Variants in DYM observed in about 807,000 individuals in gnomAD.
The protein encoded by DYM is dymeclin.
A neutral mutation model predicts 93.1 loss-of-function variants in DYM; 78 were observed. That is an observed-to-expected ratio of 0.84 (90% CI 0.70 to 1.01). The LOEUF (loss-of-function observed/expected upper bound fraction) is 1.01. DYM is among the 50% of genes least tolerant of loss of function. DYM has a pLI of 0.00. For synonymous variants in DYM, 321 were observed against 319.7 expected, an observed-to-expected ratio of 1.00 and a Z score of -0.04; for missense variants, 789 against 845.0, an observed-to-expected ratio of 0.93 and a Z score of 0.82.
At chr18:49,102,776 T>C (rs938494584) in intron 16 of DYM, among the ~76,000 whole-genome samples, 2 of 152,214 alleles carry the variant, frequency 1.3e-5, no homozygotes, top group African/African-American at 4.8e-5. Flanking sequence ...TAGTATTCCA[T>C]GGTGTATATG....
intron 2 of DYM, among the ~76,000 whole-genome samples, chr18:49,397,145 A>G (rs559116694): frequency 5.4e-4 from 82 of 152,328 alleles, no homozygotes; most frequent in African/African-American, 1.9e-3. Context: ...TGTATAATGC[A>G]TCGAAACATC....
intron 11 of DYM, among the ~76,000 whole-genome samples, chr18:49,271,042 A>G (rs1366973790): frequency 6.6e-6 from 1 of 152,178 alleles, no homozygotes; most frequent in South Asian, 2.1e-4. Context: ...ACCTGCCCAC[A>G]CACAGGACTT....
intron 15 of DYM, among the ~76,000 whole-genome samples, chr18:49,132,667 TA>T (rs1248673470): frequency 6.6e-6 from 1 of 151,938 alleles, no homozygotes; most frequent in African/African-American, 2.4e-5. Flanking sequence ...AAAATAAAAA[TA>T]AAAACAAAAA....
intron 13 of DYM, among the ~76,000 whole-genome samples, chr18:49,255,426 A>C (rs2094372136): frequency 6.6e-6 from 1 of 152,064 alleles, no homozygotes; most frequent in African/African-American, 2.4e-5. Flanking sequence ...CTGTAATCCC[A>C]GCACTTTGGG....
intron 6 of DYM, among the ~76,000 whole-genome samples, chr18:49,345,191 G>A (rs1336520554): frequency 1.3e-5 from 2 of 152,014 alleles, no homozygotes; most frequent in African/African-American, 4.8e-5. Context: ...TGTGCCAGTT[G>A]TTATAATTTC....
intron 14 of DYM, among the ~76,000 whole-genome samples, chr18:49,187,112 G>C (rs549648761): frequency 6.6e-6 from 1 of 151,988 alleles, no homozygotes; most frequent in South Asian, 2.1e-4. Flanking sequence ...GTAGAGGCGG[G>C]GTTTCACTGT....
intron 14 of DYM, among the ~76,000 whole-genome samples, chr18:49,170,156 CCTA>C (rs1466112029): frequency 2.0e-5 from 3 of 152,208 alleles, no homozygotes; most frequent in African/African-American, 7.2e-5. Context: ...TGAGGTAGGT[CCTA>C]CCATTATCCA....
chr18:49,358,197 C>T (rs79104574), intron 6 of DYM, among the ~76,000 whole-genome samples: 16,059 of 152,094 alleles, frequency 0.11, 1,064 homozygotes, highest in East Asian at 0.31. Context: ...AAAAAAGACA[C>T]AGAATGAGAG....
At chr18:49,225,351 G>A (rs141298002) in intron 13 of DYM, among the ~76,000 whole-genome samples, 6 of 152,166 alleles carry the variant, frequency 3.9e-5, no homozygotes, top group Admixed American at 3.9e-4. Context: ...TTCATTCCTT[G>A]GCAGCAGAAG....
intron 11 of DYM, among the ~76,000 whole-genome samples, chr18:49,269,724 T>A (rs914491078): frequency 6.6e-6 from 1 of 152,222 alleles, no homozygotes; most frequent in Non-Finnish European, 1.5e-5. Context: ...ATTATTCATG[T>A]GTTTGTGGTG....
chr18:49,421,118 A>C (rs2073647933), intron 2 of DYM, among the ~76,000 whole-genome samples: 1 of 152,172 alleles, frequency 6.6e-6, no homozygotes, highest in Admixed American at 6.5e-5. Flanking sequence ...GCAGACTTAA[A>C]TGTCCATGTC....
chr18:49,176,574 C>CTTTT (rs36121103), intron 14 of DYM, among the ~76,000 whole-genome samples: 21 of 99,430 alleles, frequency 2.1e-4, no homozygotes, highest in Non-Finnish European at 3.2e-4. Context: ...CCAAGCCTGG[C>CTTTT]TTTTTTTTTT....
intron 17 of DYM, among the ~76,000 whole-genome samples, chr18:49,079,400 T>A (rs2077590494): frequency 6.6e-6 from 1 of 151,880 alleles, no homozygotes; most frequent in Non-Finnish European, 1.5e-5. Context: ...ATTCTTTTTT[T>A]TTTTTTTTAT....
At chr18:49,324,677 T>C (rs1382245181) in intron 8 of DYM, among the ~76,000 whole-genome samples, 1 of 152,208 alleles carries the variant, frequency 6.6e-6, no homozygotes, top group Non-Finnish European at 1.5e-5. Context: ...AATTTTTAAA[T>C]TGTCTTATAT....
At chr18:49,248,119 A>G (rs1420391034) in intron 13 of DYM, among the ~76,000 whole-genome samples, 1 of 152,234 alleles carries the variant, frequency 6.6e-6, no homozygotes, top group Non-Finnish European at 1.5e-5. Context: ...ATGAAATCAT[A>G]TACATTTAAG....
rs371036859 is a variant in DYM at position 49,452,235 on chromosome 18, C to G, written c.-54+8163G>C. The stretch of plus-strand genomic sequence containing the variant: ...TCTCGCTGGCTTAGGAGTGAAGCGG[C>G]AGACCTTCGCGGTGAGTGTTACAGC... On this transcript the variant is annotated intron_variant, in intron 1 of 17. Transcript: ENST00000675505. 4.3e-4 allele frequency among the ~76,000 whole-genome samples: 66 copies of G among 152,280 alleles called. 1 individual carries two copies. In the South Asian group the frequency reaches 0.013, roughly 31 times the overall value.
intron 13 of DYM, among the ~76,000 whole-genome samples, chr18:49,214,339 G>C (rs1372713265): frequency 6.6e-6 from 1 of 152,150 alleles, no homozygotes; most frequent in Admixed American, 6.5e-5. Flanking sequence ...ACCCTATTAT[G>C]AACTGCACAT....
Position 49,341,260 on chromosome 18 carries a change from G to A in DYM, c.495-7407C>T, listed in dbSNP as rs187346172. 8.5e-5 allele frequency among the ~76,000 whole-genome samples: 13 copies of A among 152,262 alleles called. 1 individual carries two copies. The East Asian group carries it at 2.1e-3, about 25-fold the overall frequency. ...AATCCCAGCACTTTGGGAGGCCGAG[G>A]CGGGTGGATCACGAGGTCAGGAGAT... On this transcript the variant is annotated intron_variant, in intron 6 of 17. Transcript: ENST00000675505.
intron 15 of DYM, among the ~76,000 whole-genome samples, chr18:49,143,149 T>C (rs2084717540): frequency 6.6e-6 from 1 of 152,168 alleles, no homozygotes; most frequent in Non-Finnish European, 1.5e-5. Context: ...TTCAATCCAA[T>C]TCTGGAAAGT....
Sources: gnomAD v4.1 joint callset for allele counts (sites outside exome capture counted in the v4.1 genomes callset) on GRCh38, gnomAD v4.1.1 for gene constraint, MANE v1.5 for transcripts, NCBI Gene and HGNC (gene_info 2026-07-23, HGNC 2026-07-21) for gene names.